The following PPA2 variants were observed in gnomAD, a reference collection of about 807,000 sequenced individuals.
PPA2 encodes the protein inorganic pyrophosphatase 2, also known as inorganic pyrophosphatase 2, mitochondrial.
PPA2 carries 48 observed loss-of-function variants against 49.5 expected under a neutral mutation model. The ratio of observed to expected loss-of-function variants is 0.97; its 90% CI spans 0.77 to 1.23. The LOEUF is 1.23. PPA2 is among the 50% of genes most tolerant of loss of function. The pLI is 0.00. For missense variants in PPA2, 429 were observed against 410.1 expected, an observed-to-expected ratio of 1.05 and a Z score of -0.40; for synonymous variants, 131 against 139.9, an observed-to-expected ratio of 0.94 and a Z score of 0.45.
chr4:105,453,480 A>C (rs1447717257), intron 3 of PPA2, 118 bp downstream of exon 3: 4 of 665,414 alleles, frequency 6.0e-6, no homozygotes, highest in Non-Finnish European at 7.1e-6. Flanking sequence ...ATCGGAATGC[A>C]CATGAAAGTC....
rs527636198 is a variant in PPA2 at position 105,471,651 on chromosome 4, T to A, written c.157+2243A>T. Among the ~76,000 whole-genome samples, 196 of 152,294 alleles carry A rather than the reference T, an allele frequency of 1.3e-3. 1 individual carries two copies. Among genetic ancestry groups the A allele is most frequent in the Non-Finnish European group, 2.3e-3 (156 of 68,024 alleles). On this transcript the variant is annotated intron_variant, in intron 1 of 11. Transcript: ENST00000341695. ...ATAAATATCCAATCTGTGATCATCT[T>A]TATAAAGGGCAATTTATTCGTTGCT...
At chr4:105,433,888 G>A (rs1445499739) in intron 6 of PPA2, among the ~76,000 whole-genome samples, 6 of 152,156 alleles carry the variant, frequency 3.9e-5, no homozygotes, top group Admixed American at 6.5e-5. Flanking sequence ...CAAAACTAAA[G>A]TACTCCATAG....
chr4:105,422,752 T>C (rs1203206622), intron 7 of PPA2, among the ~76,000 whole-genome samples: 1 of 152,174 alleles, frequency 6.6e-6, no homozygotes, highest in Non-Finnish European at 1.5e-5. Context: ...CAATATCTAC[T>C]ATAACAGGCA....
chr4:105,414,715 C>T (rs1333183872), intron 7 of PPA2, among the ~76,000 whole-genome samples: 1 of 152,206 alleles, frequency 6.6e-6, no homozygotes, highest in Non-Finnish European at 1.5e-5. Context: ...TCCTTGTTGC[C>T]TGCAATGTGG....
intron 6 of PPA2, among the ~76,000 whole-genome samples, chr4:105,430,014 T>C (rs764726497): frequency 1.7e-4 from 26 of 152,362 alleles, no homozygotes; most frequent in Non-Finnish European, 3.2e-4. Flanking sequence ...TTTATATGCA[T>C]GCATTCTTTG....
At chr4:105,426,445 G>GTGAC (rs1723514623) in intron 6 of PPA2, among the ~76,000 whole-genome samples, 1 of 152,362 alleles carries the variant, frequency 6.6e-6, no homozygotes, top group East Asian at 1.9e-4. Context: ...GAAGCCATGA[G>GTGAC]TGACTGTACC....
intron 5 of PPA2, among the ~76,000 whole-genome samples, chr4:105,440,665 A>G (rs1724315262): frequency 6.6e-6 from 1 of 152,208 alleles, no homozygotes; most frequent in Non-Finnish European, 1.5e-5. Flanking sequence ...CCACATACTT[A>G]TGACCTACTT....
At chr4:105,468,779 GAACT>G (rs1175374341) in intron 1 of PPA2, among the ~76,000 whole-genome samples, 23 of 152,108 alleles carry the variant, frequency 1.5e-4, no homozygotes, top group Admixed American at 1.5e-3. Context: ...TTTACAGTTG[GAACT>G]AACACAACCC....
Position 105,448,789 on chromosome 4 carries a change from T to G in PPA2, c.321+561A>C, listed in dbSNP as rs185507663. Among the ~76,000 whole-genome samples, 4 of 152,090 alleles carry G rather than the reference T, an allele frequency of 2.6e-5. No homozygotes were observed. The East Asian group carries it at 7.7e-4, about 29-fold the overall frequency. ...AATCTACTTAAACAACCTTTAAAAG[T>G]ATTTGCCATTTTCAAAGGAGAAAAA... On this transcript the variant is annotated intron_variant, in intron 4 of 11. Transcript: ENST00000341695.
chr4:105,423,711 C>A (rs557280690), intron 7 of PPA2, among the ~76,000 whole-genome samples: 9 of 152,238 alleles, frequency 5.9e-5, no homozygotes, highest in Admixed American at 2.0e-4. Context: ...CGTTAGAGGG[C>A]AGTTACTTTT....
At chr4:105,425,574 GACA>G (rs1723458595) in intron 6 of PPA2, among the ~76,000 whole-genome samples, 1 of 152,044 alleles carries the variant, frequency 6.6e-6, no homozygotes, top group Admixed American at 6.5e-5. Flanking sequence ...TGTCCTCTGG[GACA>G]ACATTCAGCA....
intron 5 of PPA2, among the ~76,000 whole-genome samples, chr4:105,439,407 A>C (rs1724228565): frequency 6.6e-6 from 1 of 152,074 alleles, no homozygotes; most frequent in Non-Finnish European, 1.5e-5. Context: ...ACCTTCTCTT[A>C]CTCTGAGCAA....
chr4:105,412,077 T>C (rs182222926), intron 7 of PPA2, among the ~76,000 whole-genome samples: 4 of 152,156 alleles, frequency 2.6e-5, no homozygotes, highest in African/African-American at 9.6e-5. Context: ...CTTCACAGAA[T>C]TGGAAAAAAA....
At chr4:105,386,330 G>A (rs894801654) in intron 10 of PPA2, among the ~76,000 whole-genome samples, 1 of 152,116 alleles carries the variant, frequency 6.6e-6, no homozygotes, top group African/African-American at 2.4e-5. Context: ...AGCATCATAT[G>A]AAGTTAGCTA....
chr4:105,399,808 A>T (rs997696037), intron 7 of PPA2, among the ~76,000 whole-genome samples: 2 of 152,202 alleles, frequency 1.3e-5, no homozygotes, highest in Admixed American at 1.3e-4. Flanking sequence ...TGTTTTCTGC[A>T]GTTTCAGTTA....
chr4:105,472,549 C>A (rs1181991236), intron 1 of PPA2, among the ~76,000 whole-genome samples: 2 of 152,056 alleles, frequency 1.3e-5, no homozygotes, highest in African/African-American at 4.8e-5. Flanking sequence ...TCTGACTATT[C>A]CCATTAATCA....
intron 5 of PPA2, among the ~76,000 whole-genome samples, chr4:105,444,775 C>A (rs1167927477): frequency 6.6e-6 from 1 of 152,068 alleles, no homozygotes; most frequent in Non-Finnish European, 1.5e-5. Context: ...CAGTTTAGTT[C>A]TTGATTGCCC....
At chr4:105,400,310 C>T (rs1400832259) in intron 7 of PPA2, among the ~76,000 whole-genome samples, 10 of 152,042 alleles carry the variant, frequency 6.6e-5, no homozygotes, top group Non-Finnish European at 2.9e-5. Flanking sequence ...AGTCTACTGA[C>T]GGCGAGTGTC....
intron 1 of PPA2, among the ~76,000 whole-genome samples, chr4:105,466,725 G>T (rs1163568597): frequency 5.9e-5 from 9 of 152,202 alleles, no homozygotes; most frequent in Admixed American, 5.2e-4. Context: ...TCAACTTGGG[G>T]TTTTATATGT....
Sources: gnomAD v4.1 joint callset for allele counts (sites outside exome capture counted in the v4.1 genomes callset) on GRCh38, gnomAD v4.1.1 for gene constraint, MANE v1.5 for transcripts, NCBI Gene and HGNC (gene_info 2026-07-23, HGNC 2026-07-21) for gene names.